POU2F3: variants seen among roughly 807,000 people sequenced by gnomAD.
POU2F3 encodes POU class 2 homeobox 3.
A neutral mutation model predicts 59.2 loss-of-function variants in POU2F3; 23 were observed. That is an observed-to-expected ratio of 0.39 (90% CI 0.28 to 0.55). The LOEUF (loss-of-function observed/expected upper bound fraction) is 0.55. Ranked by LOEUF, POU2F3 falls within the 20% of genes least tolerant of loss-of-function variation. POU2F3 has a pLI of 0.66. For missense variants in POU2F3, 473 were observed against 544.5 expected (o/e 0.87, Z 1.31); for synonymous variants, 190 against 214.6 (o/e 0.89, Z 1.00).
intron 11 of POU2F3, among the ~76,000 whole-genome samples, chr11:120,316,692 G>C (rs1941796616): frequency 6.6e-6 from 1 of 152,184 alleles, no homozygotes; most frequent in Admixed American, 6.5e-5. Flanking sequence ...TCCCAAAAGT[G>C]TTGGGCTACA....
chr11:120,292,592 C>G (rs1941062374), intron 3 of POU2F3, among the ~76,000 whole-genome samples: 1 of 152,186 alleles, frequency 6.6e-6, no homozygotes, highest in Non-Finnish European at 1.5e-5. Flanking sequence ...AGTCAAAGAA[C>G]CAGAGAGGGT....
chr11:120,237,988 C>G (rs1393114073), upstream of POU2F3, among the ~76,000 whole-genome samples: 2 of 152,188 alleles, frequency 1.3e-5, no homozygotes, highest in Non-Finnish European at 1.5e-5. Flanking sequence ...CACCTGTAAT[C>G]CCAGCTCTTT....
intron 3 of POU2F3, among the ~76,000 whole-genome samples, chr11:120,275,473 G>T (rs1400292438): frequency 6.6e-6 from 1 of 152,172 alleles, no homozygotes; most frequent in East Asian, 1.9e-4. Context: ...GGGCTTGGGG[G>T]TTCCAAAATG....
At position 120,302,276 on chromosome 11, in the gene POU2F3, T is replaced by C. The variant is rs1221889828; in HGVS notation, c.362-10T>C. On this transcript the variant is annotated splice_polypyrimidine_tract_variant and intron_variant, in intron 5 of 12. Coordinates refer to ENST00000543440, the MANE Select transcript of POU2F3 (RefSeq NM_014352.4). ...TTTGTCTGTTCCTTTGTCCCTCCCC[T>C]TTCACCCAGGTCTGCAGCCAAATCT... is the stretch of plus-strand genomic sequence containing the variant. The C allele has an allele frequency of 6.3e-7, 1 of 1,592,808 alleles. No individual in the cohort carries two copies. Among genetic ancestry groups the C allele is most frequent in the African/African-American group, 1.3e-5 (1 of 74,398 alleles).
rs778045445 is a variant in POU2F3 at position 120,309,555 on chromosome 11, C to A, written c.1037C>A (p.Pro346His). The change falls in exon 10 of 13, where the codon CCC becomes CAC. Residue 346 changes from proline to histidine, a missense_variant. Pro to His is a moderately conservative substitution (Grantham distance 77). Transcript: ENST00000543440. ...CGAATCAACTGCCCTGTGGCCACAC[C>A]CATCAAACCACCTGTCTACAACTCC... ...EKRINCPVATPIKPPVYNSRL... is the reference protein window; with the variant it reads ...EKRINCPVATHIKPPVYNSRL... 6.2e-7 allele frequency: 1 copy of A among 1,614,044 alleles called. No homozygotes were observed. Among genetic ancestry groups the A allele is most frequent in the Admixed American group, 1.7e-5 (1 of 60,012 alleles).
intron 2 of POU2F3, among the ~76,000 whole-genome samples, chr11:120,260,709 C>A (rs1050314936): frequency 5.9e-5 from 9 of 152,162 alleles, no homozygotes; most frequent in Admixed American, 5.9e-4. Context: ...TGTGTGGGAG[C>A]AGGGATATGC....
At chr11:120,269,179 A>G (rs1176752117) in intron 2 of POU2F3, 31 bp from the exon 3 acceptor site, 2 of 1,536,162 alleles carry the variant, frequency 1.3e-6, no homozygotes, top group Non-Finnish European at 1.8e-6. Context: ...CCTGCTACCA[A>G]CTAATATACA....
At chr11:120,304,337 A>AG (rs1483713159) in intron 6 of POU2F3, 1 of 147,228 alleles carries the variant, frequency 6.8e-6, no homozygotes, top group East Asian at 2.0e-4. Context: ...ATTCAAAAAA[A>AG]AAAAGAAGAA....
intron 3 of POU2F3, among the ~76,000 whole-genome samples, chr11:120,271,695 C>G (rs1940082409): frequency 6.6e-6 from 1 of 152,230 alleles, no homozygotes; most frequent in Non-Finnish European, 1.5e-5. Context: ...GGCAGCCCCT[C>G]TGACCCTGGG....
At chr11:120,304,886 T>A (rs1471916283) in intron 6 of POU2F3, 144 bp from the exon 7 acceptor site, 3 of 553,384 alleles carry the variant, frequency 5.4e-6, no homozygotes, top group Non-Finnish European at 5.7e-6. Flanking sequence ...AATATAAGAC[T>A]CCAATGTACC....
chr11:120,240,067 G>A (rs1250001713), upstream of POU2F3: 1 of 1,101,538 alleles, frequency 9.1e-7, no homozygotes, highest in African/African-American at 1.7e-5. Flanking sequence ...GCATGGGCCT[G>A]GGGCCAGGCG....
chr11:120,237,098 C>T (rs555331669), upstream of POU2F3, among the ~76,000 whole-genome samples: 2 of 152,152 alleles, frequency 1.3e-5, no homozygotes, highest in African/African-American at 4.8e-5. Context: ...GGTCTAAATA[C>T]CAACTCTGTA....
intron 3 of POU2F3, among the ~76,000 whole-genome samples, chr11:120,270,892 C>T (rs1940039915): frequency 6.6e-6 from 1 of 152,044 alleles, no homozygotes; most frequent in South Asian, 2.1e-4. Context: ...TGGGGTTTTG[C>T]CACCTTGCCC....
At chr11:120,297,562 C>T (rs1005917168) in intron 3 of POU2F3, among the ~76,000 whole-genome samples, 7 of 152,034 alleles carry the variant, frequency 4.6e-5, no homozygotes, top group Non-Finnish European at 8.8e-5. Context: ...ATCAGTGGTG[C>T]CCAGATTTTG....
intron 2 of POU2F3, chr11:120,254,969 T>G (rs1027766594): frequency 2.0e-5 from 3 of 152,234 alleles, no homozygotes; most frequent in Admixed American, 2.0e-4. Context: ...ATCAGTGCTG[T>G]TGTTGACTCA....
At chr11:120,244,742 G>C (rs1162307173) in intron 1 of POU2F3, among the ~76,000 whole-genome samples, 1 of 152,210 alleles carries the variant, frequency 6.6e-6, no homozygotes, top group Non-Finnish European at 1.5e-5. Context: ...CTCCAGGGGG[G>C]ATAGTACTTA....
At chr11:120,289,542 C>A (rs962138514) in intron 3 of POU2F3, among the ~76,000 whole-genome samples, 7 of 152,264 alleles carry the variant, frequency 4.6e-5, no homozygotes, top group Admixed American at 2.6e-4. Context: ...TGGGCCCCTG[C>A]CTGCTCACCC....
chr11:120,288,532 G>A (rs1043500404), intron 3 of POU2F3, among the ~76,000 whole-genome samples: 1 of 152,130 alleles, frequency 6.6e-6, no homozygotes, highest in East Asian at 1.9e-4. Flanking sequence ...GCCAACATGT[G>A]CCTTGGACAA....
intron 2 of POU2F3, among the ~76,000 whole-genome samples, chr11:120,250,620 C>T (rs548827590): frequency 1.6e-4 from 25 of 152,088 alleles, no homozygotes; most frequent in Non-Finnish European, 2.5e-4. Context: ...TGACTTTCTA[C>T]CTAAAGATGG....
Sources: allele counts gnomAD v4.1 joint callset (sites outside exome capture counted in the v4.1 genomes callset), GRCh38; gene constraint gnomAD v4.1.1; transcripts MANE v1.5; gene names NCBI Gene and HGNC (gene_info 2026-07-23, HGNC 2026-07-21).